OR1N1: variants seen among roughly 807,000 people sequenced by gnomAD.
OR1N1 encodes olfactory receptor 1N1.
For missense variants in OR1N1, 388 were observed against 391.9 expected (o/e 0.99, Z 0.08); for synonymous variants, 130 against 151.2 (o/e 0.86, Z 1.03).
rs1295486867 is a variant in OR1N1, at chr9:122,527,254, C to G, written c.40G>C (p.Gly14Arg). 2 of 1,612,136 alleles carry G rather than the reference C, an allele frequency of 1.2e-6. No homozygotes were observed. Among genetic ancestry groups the G allele is most frequent in the African/African-American group, 2.7e-5 (2 of 74,858 alleles). The change falls in exon 1 of 1, where the codon GGA (glycine) becomes CGA (arginine). Residue 14 changes from glycine (G) to arginine (R), a missense_variant. Transcript: ENST00000304880. ...TGTTGCTCTGGAGGCGCTGATATTCCTCGGAGGAAAAATTCAGAAATGCTG... is the reference window on the plus strand; with the variant it reads ...TGTTGCTCTGGAGGCGCTGATATTCGTCGGAGGAAAAATTCAGAAATGCTG... ...QSSISEFFLRGISAPPEQQQS... is the reference protein window; with the variant it reads ...QSSISEFFLRRISAPPEQQQS...
Position 122,527,261 on chromosome 9 carries a change from GA to G in OR1N1, c.32del (p.Phe11SerfsTer27). On this transcript the variant is annotated frameshift_variant, in exon 1 of 1. Coordinates refer to ENST00000304880, the MANE Select transcript of OR1N1 (RefSeq NM_012363.1). LOFTEE classifies it low-confidence loss of function (END_TRUNC). Reference protein sequence around the residue: MENQSSISEFFLRGISAPPEQ... With the variant: MENQSSISEFXLRGISAPPEQ... ...CTGGAGGCGCTGATATTCCTCGGAG[GA>G]AAAATTCAGAAATGCTGGATTGGTT... 6.2e-7 allele frequency: 1 copy of G among 1,611,228 alleles called. No homozygotes were observed. Among genetic ancestry groups the G allele is most frequent in the South Asian group, 1.1e-5 (1 of 90,698 alleles).
Position 122,527,224 on chromosome 9 carries a change from A to T in OR1N1, c.70T>A (p.Ser24Thr), listed in dbSNP as rs150498401. 2.4e-5 allele frequency: 38 copies of T among 1,613,910 alleles called. No homozygotes were observed. In the African/African-American group the frequency reaches 4.7e-4, roughly 20 times the overall value. ...ATACACAGGAAAATTCCGAAGAGGG[A>T]CTGCTGTTGCTCTGGAGGCGCTGAT... ...GISAPPEQQQSLFGIFLCMYL... is the reference protein window; with the variant it reads ...GISAPPEQQQTLFGIFLCMYL... The change falls in exon 1 of 1, where the codon TCC (serine) becomes ACC (threonine). Residue 24 changes from serine (S) to threonine (T), a missense_variant. Ser to Thr is a moderately conservative substitution (Grantham distance 58). Coordinates refer to ENST00000304880, the MANE Select transcript of OR1N1 (RefSeq NM_012363.1).
At position 122,527,009 on chromosome 9, in the gene OR1N1, G is replaced by A. The variant is rs754795604; in HGVS notation, c.285C>T (p.Cys95=). ...TRHHTISYTG[C]LTQMYFFLMF... ...TCAGAAAGAAATACATTTGCGTGAG[G>A]CAACCCGTATAGGAGATGGTGTGAT... The change falls in exon 1 of 1, where the codon TGC becomes TGT. Residue 95 remains cysteine, a synonymous_variant. Coordinates refer to ENST00000304880, the MANE Select transcript of OR1N1 (RefSeq NM_012363.1). 3.7e-6 allele frequency: 6 copies of A among 1,614,188 alleles called. No individual in the cohort carries two copies. The African/African-American group carries it at 6.7e-5, about 18-fold the overall frequency.
At position 122,526,659 on chromosome 9, in the gene OR1N1, A is replaced by C. The variant is rs762450193; in HGVS notation, c.635T>G (p.Ile212Ser). 1 of 1,614,192 alleles carries C rather than the reference A, an allele frequency of 6.2e-7. No individual in the cohort carries two copies. Among genetic ancestry groups the C allele is most frequent in the South Asian group, 1.1e-5 (1 of 91,086 alleles). The part of the protein sequence containing the change: ...GTVLIVPFLC[I>S]VTSYIHIVPA... ...CACAATGTGGATGTAGGAGGTGACA[A>C]TGCATAAAAAGGGGACGATGAGTAC... is the stretch of plus-strand genomic sequence containing the variant. The change falls in exon 1 of 1, where the codon ATT (isoleucine) becomes AGT (serine). Residue 212 changes from isoleucine to serine, a missense_variant. Transcript: ENST00000304880.
chr9:122,526,748 G>A lies in OR1N1; in HGVS notation c.546C>T (p.Val182=). Residue 182 remains valine (V), a synonymous_variant, in exon 1 of 1, where the codon GTC becomes GTT. Coordinates refer to ENST00000304880, the MANE Select transcript of OR1N1 (RefSeq NM_012363.1). ...IAHFFCDITP[V]LKLSCSDTHI... is the part of the protein sequence containing the mutation. Reference sequence around the variant, plus strand: ...GGGTGTCAGAACATGACAGCTTCAGGACAGGAGTGATGTCACAGAAAAAGT... The same window carrying A: ...GGGTGTCAGAACATGACAGCTTCAGAACAGGAGTGATGTCACAGAAAAAGT... The A allele has an allele frequency of 6.2e-7, 1 of 1,614,150 alleles. No individual in the cohort carries two copies. Among genetic ancestry groups the A allele is most frequent in the Non-Finnish European group, 8.5e-7 (1 of 1,180,020 alleles).
rs1329625041 is a variant in OR1N1, at chr9:122,527,028, G to T, written c.266C>A (p.Thr89Asn). 1 of 1,614,190 alleles carries T rather than the reference G, an allele frequency of 6.2e-7. No homozygotes were observed. Among genetic ancestry groups the T allele is most frequent in the Admixed American group, 1.7e-5 (1 of 60,030 alleles). Residue 89 changes from threonine (T) to asparagine (N), a missense_variant, in exon 1 of 1, where the codon ACC becomes AAC. Thr to Asn is a moderately conservative substitution (Grantham distance 65). Transcript: ENST00000304880. ...MLVNIQTRHH[T>N]ISYTGCLTQM... ...CGTGAGGCAACCCGTATAGGAGATG[G>T]TGTGATGCCGAGTCTGTATATTCAC... is the stretch of plus-strand genomic sequence containing the variant.
chr9:122,526,537 G>C lies in OR1N1; in HGVS notation c.757C>G (p.Leu253Val). 1 of 1,608,250 alleles carries C rather than the reference G, an allele frequency of 6.2e-7. No homozygotes were observed. The highest frequency in any genetic ancestry group is 8.5e-7 in the Non-Finnish European group (1 of 1,177,142). ...LCVVCVFYGT[L>V]FSAYLCPPSI... ...GGAGGACACAGGTAGGCACTGAAGAGGGTCCCATAGAACACACAAACAACG... is the reference window on the plus strand; with the variant it reads ...GGAGGACACAGGTAGGCACTGAAGACGGTCCCATAGAACACACAAACAACG... The change falls in exon 1 of 1, where the codon CTC (leucine) becomes GTC (valine). Residue 253 changes from leucine to valine, a missense_variant. Coordinates refer to ENST00000304880, the MANE Select transcript of OR1N1 (RefSeq NM_012363.1).
At position 122,526,943 on chromosome 9, in the gene OR1N1, C is replaced by T. The variant is rs142821264; in HGVS notation, c.351G>A (p.Ala117=). ...GGCAAATGGCCACATAGCGGTCATA[C>T]GCCATGGCAGCCAGGAAGAAGCTGT... ...DLDSFFLAAM[A]YDRYVAICHP... The change falls in exon 1 of 1, where the codon GCG becomes GCA. Residue 117 remains alanine (A), a synonymous_variant. Coordinates refer to ENST00000304880, the MANE Select transcript of OR1N1 (RefSeq NM_012363.1). 287 of 1,614,178 alleles carry T rather than the reference C, an allele frequency of 1.8e-4. 2 individuals are homozygous for T. In the African/African-American group the frequency reaches 3.1e-3, roughly 18 times the overall value.
In OR1N1 at chr9:122,526,675, C is replaced by A. The variant is rs376776019; in HGVS notation, c.619G>T (p.Val207Phe). 1 of 1,614,002 alleles carries A rather than the reference C, an allele frequency of 6.2e-7. No homozygotes were observed. The highest frequency in any genetic ancestry group is 8.5e-7 in the Non-Finnish European group (1 of 1,180,020). ...VFVLGGTVLI[V>F]PFLCIVTSYI... Reference sequence around the variant, plus strand: ...GAGGTGACAATGCATAAAAAGGGGACGATGAGTACGGTGCCTCCCAAGACA... The same window carrying A: ...GAGGTGACAATGCATAAAAAGGGGAAGATGAGTACGGTGCCTCCCAAGACA... Residue 207 changes from valine (V) to phenylalanine (F), a missense_variant, in exon 1 of 1, where the codon GTC becomes TTC. Val to Phe is a conservative substitution (Grantham distance 50, BLOSUM62 -1). Transcript: ENST00000304880.
rs1403867430 is a variant in OR1N1 at position 122,527,157 on chromosome 9, G to A, written c.137C>T (p.Ala46Val). 4.3e-6 allele frequency: 7 copies of A among 1,614,054 alleles called. No individual in the cohort carries two copies. Among genetic ancestry groups the A allele is most frequent in the Non-Finnish European group, 5.9e-6 (7 of 1,180,026 alleles). ...TLTGNLLIIL[A>V]IGSDLHLHTP... ...GTGGAGGTGCAGGTCAGAGCCAATG[G>A]CCAGGATGATGAGCAGGTTCCCAGT... The change falls in exon 1 of 1, where the codon GCC becomes GTC. Residue 46 changes from alanine to valine, a missense_variant. Transcript: ENST00000304880.
Position 122,526,966 on chromosome 9 carries a change from T to G in OR1N1, c.328A>C (p.Ser110Arg). The change falls in exon 1 of 1, where the codon AGC becomes CGC. Residue 110 changes from serine to arginine, a missense_variant. Ser to Arg is a moderately radical substitution (Grantham distance 110, BLOSUM62 -1). Transcript: ENST00000304880. ...YFFLMFGDLD[S>R]FFLAAMAYDR... The stretch of plus-strand genomic sequence containing the variant: ...TACGCCATGGCAGCCAGGAAGAAGC[T>G]GTCTAGATCACCAAACATCAGAAAG... 1 of 1,614,196 alleles carries G rather than the reference T, an allele frequency of 6.2e-7. No homozygotes were observed. The highest frequency in any genetic ancestry group is 1.1e-5 in the South Asian group (1 of 91,084).
Position 122,526,904 on chromosome 9 carries a change from G to A in OR1N1, c.390C>T (p.Tyr130=), listed in dbSNP as rs1165957977. The change falls in exon 1 of 1, where the codon TAC becomes TAT. Residue 130 remains tyrosine, a synonymous_variant. Transcript: ENST00000304880. ...AGACTTGGGGCCTCATGACTGTGGAGTAGCAGAGGGGGTGGCAAATGGCCA... is the reference window on the plus strand; with the variant it reads ...AGACTTGGGGCCTCATGACTGTGGAATAGCAGAGGGGGTGGCAAATGGCCA... ...RYVAICHPLC[Y]STVMRPQVCA... is the part of the protein sequence containing the mutation. 1 of 1,614,096 alleles carries A rather than the reference G, an allele frequency of 6.2e-7. No homozygotes were observed. The highest frequency in any genetic ancestry group is 2.2e-5 in the East Asian group (1 of 44,896).
chr9:122,526,391 C>T lies in OR1N1; in HGVS notation c.903G>A (p.Arg301=). The T allele has an allele frequency of 6.6e-7, 1 of 1,506,634 alleles. No homozygotes were observed. Among genetic ancestry groups the T allele is most frequent in the Non-Finnish European group, 8.9e-7 (1 of 1,129,094 alleles). 93.3% of individuals were successfully genotyped at this position (1,506,634 alleles called of 1,614,324 possible). A position where few individuals can be genotyped will look rare whatever the true frequency, so the allele number is the denominator to read the frequency against. ...AAACAATACTCCTGTGACTGAAGAG[C>T]CTCTTTAGGGCCCCCTTCATGTCCT... The part of the protein sequence containing the change: ...RNKDMKGALK[R]LFSHRSIVSS Residue 301 remains arginine (R), a synonymous_variant, in exon 1 of 1, where the codon AGG becomes AGA. Coordinates refer to ENST00000304880, the MANE Select transcript of OR1N1 (RefSeq NM_012363.1).
In OR1N1 at chr9:122,526,873, G is replaced by T; in HGVS notation, c.421C>A (p.Leu141Ile). The T allele has an allele frequency of 6.2e-7, 1 of 1,614,180 alleles. No homozygotes were observed. The highest frequency in any genetic ancestry group is 2.2e-5 in the East Asian group (1 of 44,874). Residue 141 changes from leucine to isoleucine, a missense_variant, in exon 1 of 1, where the codon CTA (leucine) becomes ATA (isoleucine). By Grantham distance (5) the Leu-to-Ile change is conservative (BLOSUM62 2). Coordinates refer to ENST00000304880, the MANE Select transcript of OR1N1 (RefSeq NM_012363.1). ...STVMRPQVCA[L>I]MLALCWVLTN... ...AGGACCCAGCACAATGCAAGCATTA[G>T]GGCACAGACTTGGGGCCTCATGACT... is the stretch of plus-strand genomic sequence containing the variant.
At position 122,527,036 on chromosome 9, in the gene OR1N1, C is replaced by T. The variant is rs986504586; in HGVS notation, c.258G>A (p.Arg86=). 1.2e-6 allele frequency: 2 copies of T among 1,614,032 alleles called. No individual in the cohort carries two copies. Among genetic ancestry groups the T allele is most frequent in the African/African-American group, 1.3e-5 (1 of 74,912 alleles). The part of the protein sequence containing the change: ...VTKMLVNIQT[R]HHTISYTGCL... ...AACCCGTATAGGAGATGGTGTGATG[C>T]CGAGTCTGTATATTCACCAGCATCT... The change falls in exon 1 of 1, where the codon CGG becomes CGA. Residue 86 remains arginine (R), a synonymous_variant. Transcript: ENST00000304880.
chr9:122,526,920 C>T lies in OR1N1; in HGVS notation c.374G>A (p.Cys125Tyr). 1 of 1,614,132 alleles carries T rather than the reference C, an allele frequency of 6.2e-7. No individual in the cohort carries two copies. Among genetic ancestry groups the T allele is most frequent in the Non-Finnish European group, 8.5e-7 (1 of 1,180,034 alleles). Reference protein sequence around the residue: ...AMAYDRYVAICHPLCYSTVMR... With the variant: ...AMAYDRYVAIYHPLCYSTVMR... The stretch of plus-strand genomic sequence containing the variant: ...GACTGTGGAGTAGCAGAGGGGGTGG[C>T]AAATGGCCACATAGCGGTCATACGC... The change falls in exon 1 of 1, where the codon TGC becomes TAC. Residue 125 changes from cysteine to tyrosine, a missense_variant. Physicochemically the swap from Cys to Tyr is radical, Grantham distance 194. Transcript: ENST00000304880.
chr9:122,526,640 G>A lies in OR1N1; in HGVS notation c.654C>T (p.His218=), dbSNP rs530490256. The A allele has an allele frequency of 6.2e-7, 1 of 1,614,186 alleles. No individual in the cohort carries two copies. Among genetic ancestry groups the A allele is most frequent in the Non-Finnish European group, 8.5e-7 (1 of 1,180,032 alleles). The change falls in exon 1 of 1, where the codon CAC becomes CAT. Residue 218 remains histidine, a synonymous_variant. Transcript: ENST00000304880. The part of the protein sequence containing the change: ...PFLCIVTSYI[H]IVPAILRVRT... ...GGACCCTCAGGATAGCTGGCACAAT[G>A]TGGATGTAGGAGGTGACAATGCATA...
At position 122,526,554 on chromosome 9, in the gene OR1N1, C is replaced by G. The variant is rs1208692183; in HGVS notation, c.740G>C (p.Cys247Ser). Residue 247 changes from cysteine to serine, a missense_variant, in exon 1 of 1, where the codon TGT (cysteine) becomes TCT (serine). Physicochemically the swap from Cys to Ser is moderately radical, Grantham distance 112 (BLOSUM62 -1). Coordinates refer to ENST00000304880, the MANE Select transcript of OR1N1 (RefSeq NM_012363.1). ...STCSSHLCVV[C>S]VFYGTLFSAY... The stretch of plus-strand genomic sequence containing the variant: ...ACTGAAGAGGGTCCCATAGAACACA[C>G]AAACAACGCAGAGGTGGGAACTGCA... The G allele has an allele frequency of 6.2e-7, 1 of 1,612,238 alleles. No homozygotes were observed. The highest frequency in any genetic ancestry group is 1.3e-5 in the African/African-American group (1 of 74,902).
Position 122,526,888 on chromosome 9 carries a change from GC to G in OR1N1, c.405del (p.Arg135SerfsTer7). Reference protein sequence around the residue: ...CHPLCYSTVMRPQVCALMLAL... With the variant: ...CHPLCYSTVMXPQVCALMLAL... ...GCAAGCATTAGGGCACAGACTTGGG[GC>G]CTCATGACTGTGGAGTAGCAGAGGG... is the stretch of plus-strand genomic sequence containing the variant. On this transcript the variant is annotated frameshift_variant, in exon 1 of 1. Transcript: ENST00000304880. LOFTEE classifies it low-confidence loss of function (END_TRUNC). 6.2e-7 allele frequency: 1 copy of G among 1,614,194 alleles called. No individual in the cohort carries two copies. Among genetic ancestry groups the G allele is most frequent in the Non-Finnish European group, 8.5e-7 (1 of 1,180,038 alleles).
Sources: allele counts gnomAD v4.1 joint callset, GRCh38; gene constraint gnomAD v4.1.1; transcripts MANE v1.5; gene names NCBI Gene and HGNC (gene_info 2026-07-23, HGNC 2026-07-21).